The following IL4 variants were observed in gnomAD, a reference collection of about 807,000 sequenced individuals.
IL4 encodes the protein interleukin 4, also known as interleukin-4.
IL4 carries 10 observed loss-of-function variants against 17.4 expected under a neutral mutation model. The ratio of observed to expected loss-of-function variants is 0.57; its 90% CI spans 0.35 to 0.97. The LOEUF is 0.97. Among genes scored for constraint, IL4 ranks in the 50% least tolerant of loss-of-function variants. The pLI is 0.01. For missense variants in IL4, 174 were observed against 187.7 expected, an observed-to-expected ratio of 0.93 and a Z score of 0.43; for synonymous variants, 87 against 79.0, an observed-to-expected ratio of 1.10 and a Z score of -0.54.
intron 2 of IL4, 81 bp from the exon 3 acceptor site, chr5:132,679,630 AAAG>A (rs1264423689): frequency 8.0e-7 from 1 of 1,245,478 alleles, no homozygotes; most frequent in Admixed American, 2.1e-5. Context: ...GTCCTCCTGG[AAAG>A]AAGAAATCAA....
rs143377308 is a variant in IL4 at position 132,679,806 on chromosome 5, G to C, written c.276G>C (p.Ala92=). ...HHEKDTRCLG[A]TAQQFHRHKQ... Reference sequence around the variant, plus strand: ...AGAAGGACACTCGCTGCCTGGGTGCGACTGCACAGCAGTTCCACAGGCACA... The same window carrying C: ...AGAAGGACACTCGCTGCCTGGGTGCCACTGCACAGCAGTTCCACAGGCACA... The change falls in exon 3 of 4, where the codon GCG becomes GCC. Residue 92 remains alanine (A), a synonymous_variant. Transcript: ENST00000231449. 2 of 1,613,844 alleles carry C rather than the reference G, an allele frequency of 1.2e-6. No homozygotes were observed. The highest frequency in any genetic ancestry group is 2.7e-5 in the African/African-American group (2 of 74,932).
rs149950065 is a variant in IL4, at chr5:132,679,883, C to A, written c.353C>A (p.Ala118Glu). Reference sequence around the variant, plus strand: ...CTCGACAGGAACCTCTGGGGCCTGGCGGGCTTGGTAAGCTGCACTGTATTC... The same window carrying A: ...CTCGACAGGAACCTCTGGGGCCTGGAGGGCTTGGTAAGCTGCACTGTATTC... Reference protein sequence around the residue: ...KRLDRNLWGLAGLNSCPVKEA... With the variant: ...KRLDRNLWGLEGLNSCPVKEA... The change falls in exon 3 of 4, where the codon GCG (alanine) becomes GAG (glutamate). Residue 118 changes from alanine (A) to glutamate (E), a missense_variant. Transcript: ENST00000231449. The A allele has an allele frequency of 5.6e-6, 9 of 1,610,966 alleles. No homozygotes were observed. Among genetic ancestry groups the A allele is most frequent in the Non-Finnish European group, 7.6e-6 (9 of 1,178,850 alleles).
At position 132,680,041 on chromosome 5, in the gene IL4, T is replaced by C; in HGVS notation, c.360+151T>C. ...TAAGTATTTGCTGAAGTTCCACAAG[T>C]GCTGGGTGTGGTTCTAGGTGCTGAG... On this transcript the variant is annotated intron_variant, in intron 3 of 3. Coordinates refer to ENST00000231449, the MANE Select transcript of IL4 (RefSeq NM_000589.4). The surrounding 1 kb of genome is among the most constrained non-coding windows in gnomAD (Gnocchi z 4.3). 1.4e-6 allele frequency: 1 copy of C among 709,100 alleles called. No homozygotes were observed. Among genetic ancestry groups the C allele is most frequent in the Non-Finnish European group, 2.3e-6 (1 of 433,964 alleles). The allele number at this position is 709,100 out of a possible 1,614,324, so 43.9% of individuals were successfully genotyped here.
At chr5:132,674,667 T>C (rs1752346206) in intron 2 of IL4, among the ~76,000 whole-genome samples, 161 bp downstream of exon 2, 1 of 152,210 alleles carries the variant, frequency 6.6e-6, no homozygotes, top group African/African-American at 2.4e-5. Flanking sequence ...CTTAAGCATG[T>C]TTTGGTCTTT....
Position 132,674,328 on chromosome 5 carries a change from G to A in IL4, c.136-131G>A, listed in dbSNP as rs1752338889. 9.7e-6 allele frequency: 13 copies of A among 1,336,278 alleles called. No homozygotes were observed. In the Admixed American group the frequency reaches 1.6e-4, roughly 16 times the overall value. The allele number at this position is 1,336,278 out of a possible 1,614,324, so 82.8% of individuals were successfully genotyped here. A position where few individuals can be genotyped will look rare whatever the true frequency, so the allele number is the denominator to read the frequency against. ...GGGCACACAGCGAGGCTTCTCCCCT[G>A]CCACTCTTTTTTCTGAGGGTTTGTA... On this transcript the variant is annotated intron_variant, in intron 1 of 3. Transcript: ENST00000231449.
intron 2 of IL4, among the ~76,000 whole-genome samples, chr5:132,676,077 G>A (rs1752379716): frequency 6.6e-6 from 1 of 151,934 alleles, no homozygotes; most frequent in African/African-American, 2.4e-5. Flanking sequence ...CAAAGCCAAG[G>A]GAAGGGCCAC....
In IL4 at chr5:132,674,101, T is replaced by C. The variant is rs199892959; in HGVS notation, c.51T>C (p.Cys17=). 4.3e-5 allele frequency: 69 copies of C among 1,614,198 alleles called. 1 individual carries two copies. In the South Asian group the frequency reaches 7.5e-4, roughly 17 times the overall value. The part of the protein sequence containing the change: ...LLPPLFFLLA[C]AGNFVHGHKC... ...CCCCTCTGTTCTTCCTGCTAGCATG[T>C]GCCGGCAACTTTGTCCACGGACACA... Residue 17 remains cysteine, a synonymous_variant, in exon 1 of 4, where the codon TGT becomes TGC. Coordinates refer to ENST00000231449, the MANE Select transcript of IL4 (RefSeq NM_000589.4).
intron 2 of IL4, among the ~76,000 whole-genome samples, chr5:132,677,178 G>A (rs1486385821): frequency 6.6e-6 from 1 of 152,244 alleles, no homozygotes; most frequent in Non-Finnish European, 1.5e-5. Context: ...AATGAATGCA[G>A]TGCCAATCGG....
In IL4 at chr5:132,680,866, T is replaced by A. The variant is rs1752474583; in HGVS notation, c.360+976T>A. On this transcript the variant is annotated intron_variant, in intron 3 of 3. Transcript: ENST00000231449. The surrounding 1 kb of genome is among the most constrained non-coding windows in gnomAD (Gnocchi z 4.3). ...CAGAAGGATTTGCTGACAGATCGGT[T>A]GTAGGGGGTAAGATACAGGGGAGGA... Among the ~76,000 whole-genome samples the A allele has an allele frequency of 3.3e-5, 5 of 152,096 alleles. No homozygotes were observed. The highest frequency in any genetic ancestry group is 3.3e-4 in the Admixed American group (5 of 15,272).
rs997358054 is a variant in IL4 at position 132,680,859 on chromosome 5, G to C, written c.360+969G>C. Reference sequence around the variant, plus strand: ...ATAAAACCAGAAGGATTTGCTGACAGATCGGTTGTAGGGGGTAAGATACAG... The same window carrying C: ...ATAAAACCAGAAGGATTTGCTGACACATCGGTTGTAGGGGGTAAGATACAG... On this transcript the variant is annotated intron_variant, in intron 3 of 3. Coordinates refer to ENST00000231449, the MANE Select transcript of IL4 (RefSeq NM_000589.4). This position sits in a 1 kb window ranked among gnomAD's most constrained non-coding sequence, Gnocchi z 4.3. Among the ~76,000 whole-genome samples, 16 of 152,214 alleles carry C rather than the reference G, an allele frequency of 1.1e-4. No homozygotes were observed. The highest frequency in any genetic ancestry group is 2.9e-5 in the Non-Finnish European group (2 of 68,046).
intron 2 of IL4, among the ~76,000 whole-genome samples, chr5:132,678,142 G>C (rs1752417403): frequency 6.6e-6 from 1 of 152,206 alleles, no homozygotes; most frequent in African/African-American, 2.4e-5. Flanking sequence ...ACATAAATAA[G>C]AGATGAACAC....
At chr5:132,679,232 A>T (rs1752438363) in intron 2 of IL4, among the ~76,000 whole-genome samples, 1 of 152,212 alleles carries the variant, frequency 6.6e-6, no homozygotes, top group South Asian at 2.1e-4. Context: ...GCACTCATTT[A>T]TTCAACAGGC....
Position 132,674,447 on chromosome 5 carries a change from G to A in IL4, c.136-12G>A. 4 of 1,613,778 alleles carry A rather than the reference G, an allele frequency of 2.5e-6. No individual in the cohort carries two copies. The highest frequency in any genetic ancestry group is 3.4e-6 in the Non-Finnish European group (4 of 1,179,682). On this transcript the variant is annotated splice_polypyrimidine_tract_variant and intron_variant, in intron 1 of 3. Transcript: ENST00000231449. Reference sequence around the variant, plus strand: ...CTCTGTCTCTTGCTCTCTCATTTCTGCCTGGACCAAGACTCTGTGCACCGA... The same window carrying A: ...CTCTGTCTCTTGCTCTCTCATTTCTACCTGGACCAAGACTCTGTGCACCGA...
At chr5:132,678,323 G>C (rs775297458) in intron 2 of IL4, among the ~76,000 whole-genome samples, 164 of 152,302 alleles carry the variant, frequency 1.1e-3, no homozygotes, top group Non-Finnish European at 1.7e-3. Context: ...TATATGTAAA[G>C]AGTAAAGAAG....
chr5:132,674,321 C>G (rs2149878771), intron 1 of IL4, 136 bp downstream of exon 1: 4 of 1,329,240 alleles, frequency 3.0e-6, no homozygotes, highest in East Asian at 2.3e-5. Context: ...AGCGAGGCTT[C>G]TCCCCTGCCA....
At chr5:132,676,491 C>T (rs984777579) in intron 2 of IL4, among the ~76,000 whole-genome samples, 3 of 152,050 alleles carry the variant, frequency 2.0e-5, no homozygotes, top group Admixed American at 6.5e-5. Context: ...GCTGCCCTCC[C>T]GTCCTTAACT....
chr5:132,674,131 C>G lies in IL4; in HGVS notation c.81C>G (p.Cys27Trp). 1 of 1,614,020 alleles carries G rather than the reference C, an allele frequency of 6.2e-7. No individual in the cohort carries two copies. Among genetic ancestry groups the G allele is most frequent in the Non-Finnish European group, 8.5e-7 (1 of 1,179,926 alleles). Residue 27 changes from cysteine to tryptophan, a missense_variant, in exon 1 of 4, where the codon TGC becomes TGG. Cys to Trp is a radical substitution (Grantham distance 215). Transcript: ENST00000231449. ...CAGNFVHGHK[C>W]DITLQEIIKT... ...GCAACTTTGTCCACGGACACAAGTGCGATATCACCTTACAGGAGATCATCA... is the reference window on the plus strand; with the variant it reads ...GCAACTTTGTCCACGGACACAAGTGGGATATCACCTTACAGGAGATCATCA...
chr5:132,674,316 G>A (rs1752338625), intron 1 of IL4, 131 bp downstream of exon 1: 1 of 1,345,108 alleles, frequency 7.4e-7, no homozygotes, highest in African/African-American at 1.4e-5. Context: ...CACACAGCGA[G>A]GCTTCTCCCC....
intron 2 of IL4, 76 bp downstream of exon 2, chr5:132,674,582 A>G: frequency 7.9e-7 from 1 of 1,261,970 alleles, no homozygotes; most frequent in Non-Finnish European, 1.2e-6. Flanking sequence ...AAACTTGTCT[A>G]ATGGAAAACG....
Sources: gnomAD v4.1 joint callset for allele counts (sites outside exome capture counted in the v4.1 genomes callset) on GRCh38, gnomAD v4.1.1 for gene constraint, Gnocchi (gnomAD v3.1) non-coding constraint, MANE v1.5 for transcripts, NCBI Gene and HGNC (gene_info 2026-07-23, HGNC 2026-07-21) for gene names.